G2E3: variants seen among roughly 807,000 people sequenced by gnomAD.
G2E3 encodes the protein G2/M phase-specific E3 ubiquitin-protein ligase.
In G2E3, 35 loss-of-function variants were observed where a neutral mutation model predicts 92.8. The ratio of observed to expected loss-of-function variants is 0.38; its 90% CI spans 0.29 to 0.50. The LOEUF (loss-of-function observed/expected upper bound fraction) is 0.50, where lower values mean the gene tolerates loss of function less well. G2E3 is among the 20% of genes least tolerant of loss of function. The pLI is 0.94. For missense variants in G2E3, 554 were observed against 823.8 expected (o/e 0.67, Z 4.01); for synonymous variants, 242 against 272.4 (o/e 0.89, Z 1.10).
intron 1 of G2E3, among the ~76,000 whole-genome samples, chr14:30,566,356 A>G (rs1331296917): frequency 6.6e-6 from 1 of 152,194 alleles, no homozygotes. Context: ...TCTTAATGAA[A>G]TAGTTTTTCA....
chr14:30,603,141 T>C (rs1180152768), intron 10 of G2E3, among the ~76,000 whole-genome samples: 2 of 152,002 alleles, frequency 1.3e-5, no homozygotes, highest in African/African-American at 4.8e-5. Context: ...TCCTGGCCAA[T>C]ATGGTGAAAC....
chr14:30,565,553 T>C (rs1879375888), intron 1 of G2E3, among the ~76,000 whole-genome samples: 2 of 152,000 alleles, frequency 1.3e-5, no homozygotes, highest in Admixed American at 6.6e-5. Context: ...TAGATTTTCA[T>C]TTAAGAGATT....
intron 8 of G2E3, among the ~76,000 whole-genome samples, 179 bp downstream of exon 8, chr14:30,598,778 G>A (rs1425603168): frequency 6.6e-6 from 1 of 152,236 alleles, no homozygotes; most frequent in Non-Finnish European, 1.5e-5. Context: ...TTTGCAGTTA[G>A]TATAGTTGTA....
At chr14:30,616,200 AAGAATCTATGATG>A in intron 14 of G2E3, 65 bp from the exon 15 acceptor site, 1 of 942,078 alleles carries the variant, frequency 1.1e-6, no homozygotes, top group Non-Finnish European at 1.7e-6. Context: ...CTATTTGGAG[AAGAATCTATGATG>A]ATAGCAATAT....
At chr14:30,575,203 GT>G (rs1450103636) in intron 1 of G2E3, among the ~76,000 whole-genome samples, 1 of 152,056 alleles carries the variant, frequency 6.6e-6, no homozygotes, top group Non-Finnish European at 1.5e-5. Flanking sequence ...TCATATGCCT[GT>G]TGGTCGCGTA....
rs553197275 is a variant in G2E3 at position 30,615,815 on chromosome 14, G to C, written c.1864+276G>C. 4.1e-4 allele frequency among the ~76,000 whole-genome samples: 63 copies of C among 152,188 alleles called. 2 individuals carry two copies. In the South Asian group the frequency reaches 0.013, roughly 32 times the overall value. On this transcript the variant is annotated intron_variant, in intron 14 of 14. Transcript: ENST00000206595. Reference sequence around the variant, plus strand: ...TAGAAAACATTATTGTCACCGCATAGAACAGTTTTAATCCTAATAATCTAT... The same window carrying C: ...TAGAAAACATTATTGTCACCGCATACAACAGTTTTAATCCTAATAATCTAT...
At chr14:30,599,320 C>T (rs982705691) in intron 8 of G2E3, among the ~76,000 whole-genome samples, 12 of 152,132 alleles carry the variant, frequency 7.9e-5, no homozygotes, top group African/African-American at 1.7e-4. Flanking sequence ...CTCTGCCTCC[C>T]GGGTTCAAGC....
At chr14:30,583,262 GTTA>G (rs537020687) in intron 2 of G2E3, among the ~76,000 whole-genome samples, 100 of 152,252 alleles carry the variant, frequency 6.6e-4, no homozygotes, top group African/African-American at 2.2e-3. Flanking sequence ...GAAAAGATTA[GTTA>G]TTATACTAAC....
At chr14:30,587,388 A>G (rs375312489) in intron 3 of G2E3, among the ~76,000 whole-genome samples, 2 of 152,144 alleles carry the variant, frequency 1.3e-5, no homozygotes, top group South Asian at 2.1e-4. Context: ...ATGCCTTAAG[A>G]TATTAGTGGC....
intron 4 of G2E3, among the ~76,000 whole-genome samples, chr14:30,591,236 G>A (rs565728560): frequency 6.6e-6 from 1 of 152,246 alleles, no homozygotes; most frequent in South Asian, 2.1e-4. Flanking sequence ...GACCTAGGTG[G>A]TGCTCAAAGG....
intron 1 of G2E3, among the ~76,000 whole-genome samples, chr14:30,579,539 T>C (rs570357455): frequency 0.014 from 2,185 of 152,332 alleles, 61 homozygotes; most frequent in African/African-American, 0.05. Flanking sequence ...ATTTGGTTAA[T>C]CAGTCTTCAT....
At chr14:30,615,218 G>T in intron 13 of G2E3, 131 bp from the exon 14 acceptor site, 1 of 540,292 alleles carries the variant, frequency 1.9e-6, no homozygotes, top group East Asian at 3.0e-5. Context: ...CTCTTGTGGG[G>T]GTTTTTTGGT....
rs146874834 is a variant in G2E3 at position 30,566,970 on chromosome 14, T to C, written c.-5+7698T>C. Among the ~76,000 whole-genome samples, 960 of 152,310 alleles carry C rather than the reference T, an allele frequency of 6.3e-3. 19 individuals carry two copies. The highest frequency in any genetic ancestry group is 0.022 in the African/African-American group (918 of 41,582). ...ACCTTTTCCTTTTTCTCTATTAGTA[T>C]GGTATATTATATTGGTTGATTTCCA... On this transcript the variant is annotated intron_variant, in intron 1 of 14. Transcript: ENST00000206595.
chr14:30,612,517 A>G (rs933252280), intron 13 of G2E3, 138 bp downstream of exon 13: 1 of 590,588 alleles, frequency 1.7e-6, no homozygotes, highest in Admixed American at 3.4e-5. Flanking sequence ...TTTAAATAAT[A>G]ACTTAAGCCT....
chr14:30,596,129 G>C (rs1190990029), intron 6 of G2E3, among the ~76,000 whole-genome samples: 3 of 53,760 alleles, frequency 5.6e-5, no homozygotes, highest in Admixed American at 1.9e-4. Flanking sequence ...TGGGTGGGTG[G>C]GTGTGCGTGT....
chr14:30,561,245 AG>A (rs1169952666), intron 1 of G2E3, among the ~76,000 whole-genome samples: 1 of 152,212 alleles, frequency 6.6e-6, no homozygotes. Context: ...ACAGGCTAAG[AG>A]GGGCTCGGTA....
intron 10 of G2E3, 79 bp from the exon 11 acceptor site, chr14:30,605,425 GT>G: frequency 1.9e-6 from 1 of 525,998 alleles, no homozygotes; most frequent in Non-Finnish European, 3.3e-6. Flanking sequence ...CCCTCGTCTT[GT>G]TTTATTGGCT....
In G2E3 at chr14:30,574,851, G is replaced by A. The variant is rs371855590; in HGVS notation, c.-4-6225G>A. Among the ~76,000 whole-genome samples the A allele has an allele frequency of 6.2e-4, 95 of 152,176 alleles. 1 individual carries two copies. Among genetic ancestry groups the A allele is most frequent in the South Asian group, 2.3e-3 (11 of 4,810 alleles). ...TGATGGGCATTTAGGCTGATTCCAC[G>A]TCTTTGCTATTGTGAATAGTGCTGC... On this transcript the variant is annotated intron_variant, in intron 1 of 14. Transcript: ENST00000206595.
At chr14:30,569,603 G>A (rs111432724) in intron 1 of G2E3, among the ~76,000 whole-genome samples, 9 of 152,138 alleles carry the variant, frequency 5.9e-5, no homozygotes, top group Non-Finnish European at 1.2e-4. Flanking sequence ...TGCCTGAACT[G>A]TAGTAAAAAA....
Sources: gnomAD v4.1 joint callset for allele counts (sites outside exome capture counted in the v4.1 genomes callset) on GRCh38, gnomAD v4.1.1 for gene constraint, MANE v1.5 for transcripts, NCBI Gene and HGNC (gene_info 2026-07-23, HGNC 2026-07-21) for gene names.